DOCK6: variants seen among roughly 807,000 people sequenced by gnomAD.
The protein encoded by DOCK6 is dedicator of cytokinesis 6, also known as dedicator of cytokinesis protein 6.
In DOCK6, 167 loss-of-function variants were observed where a neutral mutation model predicts 230.3. The observed-to-expected ratio is 0.73, with a 90% CI of 0.64 to 0.82. The LOEUF (loss-of-function observed/expected upper bound fraction) is 0.82. Ranked by LOEUF, DOCK6 falls within the 40% of genes least tolerant of loss-of-function variation. The pLI, the probability that DOCK6 is intolerant of heterozygous loss-of-function variation, is 0.00. For synonymous variants in DOCK6, 1,148 were observed against 1,185.0 expected (o/e 0.97, Z 0.64); for missense variants, 2,598 against 2,825.8 (o/e 0.92, Z 1.83).
At chr19:11,215,657 T>C (rs2147761135) in intron 31 of DOCK6, 144 bp downstream of exon 31, 1 of 1,418,624 alleles carries the variant, frequency 7.0e-7, no homozygotes, top group Non-Finnish European at 9.8e-7. Flanking sequence ...CACAGGCGCA[T>C]GTGTACGGTG....
intron 37 of DOCK6, among the ~76,000 whole-genome samples, chr19:11,211,010 C>G (rs955507076): frequency 2.0e-5 from 3 of 151,828 alleles, no homozygotes; most frequent in African/African-American, 7.3e-5. Flanking sequence ...CCTGTCCAAC[C>G]CTTTTCCTGT....
At chr19:11,237,890 T>C in intron 16 of DOCK6, 111 bp from the exon 17 acceptor site, 1 of 1,423,176 alleles carries the variant, frequency 7.0e-7, no homozygotes, top group Non-Finnish European at 9.6e-7. Context: ...GTCTCTGCTG[T>C]CTGCCTCAGC....
intron 1 of DOCK6, among the ~76,000 whole-genome samples, chr19:11,261,411 G>C (rs1049441422): frequency 7.4e-6 from 1 of 135,856 alleles, no homozygotes; most frequent in African/African-American, 2.8e-5. Flanking sequence ...TAATCTACTC[G>C]ATCAGGCTTC....
chr19:11,204,891 A>C (rs1193117014), intron 39 of DOCK6, among the ~76,000 whole-genome samples: 1 of 152,188 alleles, frequency 6.6e-6, no homozygotes, highest in Non-Finnish European at 1.5e-5. Flanking sequence ...TACGATGTAC[A>C]TCTGCACTTC....
chr19:11,239,705 C>T, intron 14 of DOCK6: 1 of 1,613,606 alleles, frequency 6.2e-7, no homozygotes, highest in Non-Finnish European at 8.5e-7. Context: ...TCAGCGGCCC[C>T]CATGGGCGGC....
In DOCK6 at chr19:11,236,393, T is replaced by C; in HGVS notation, c.2345A>G (p.Lys782Arg). The change falls in exon 20 of 48, where the codon AAG becomes AGG. Residue 782 changes from lysine to arginine, a missense_variant. By Grantham distance (26) the Lys-to-Arg change is conservative (BLOSUM62 2). Coordinates refer to ENST00000294618, the MANE Select transcript of DOCK6 (RefSeq NM_020812.4). The surrounding 1 kb of genome is among the most constrained non-coding windows in gnomAD (Gnocchi z 5.2). ...LVAFSHHVLD[K>R]LVRLVIRPPI... ...GGGCCTGATGACCAGACGCACGAGC[T>C]TGTCCAGCACGTGGTGGGAGAAGGC... 1 of 1,585,016 alleles carries C rather than the reference T, an allele frequency of 6.3e-7. No homozygotes were observed. The highest frequency in any genetic ancestry group is 8.6e-7 in the Non-Finnish European group (1 of 1,165,792).
chr19:11,215,917 G>A lies in DOCK6; in HGVS notation c.3905C>T (p.Ala1302Val), dbSNP rs1297153924. The change falls in exon 31 of 48, where the codon GCC becomes GTC. Residue 1302 changes from alanine (A) to valine (V), a missense_variant. Ala to Val is a moderately conservative substitution (Grantham distance 64). Transcript: ENST00000294618. ...TGTGAGGCTGTTGATGCGTTCAAAG[G>A]CCTTTTTCCCCTGGGGGTGCAGAGA... ...LAAFEYKGKKAFERINSLTFK... is the reference protein window; with the variant it reads ...LAAFEYKGKKVFERINSLTFK... 1 of 1,613,746 alleles carries A rather than the reference G, an allele frequency of 6.2e-7. No individual in the cohort carries two copies. The highest frequency in any genetic ancestry group is 1.7e-5 in the Admixed American group (1 of 59,992).
At chr19:11,252,290 C>T in intron 4 of DOCK6, 42 bp from the exon 5 acceptor site, 2 of 1,568,090 alleles carry the variant, frequency 1.3e-6, no homozygotes, top group Non-Finnish European at 8.7e-7. Flanking sequence ...GGGCTGAGGG[C>T]CCCCAGGGGG....
At chr19:11,245,502 G>T in intron 9 of DOCK6, 61 bp downstream of exon 9, 4 of 1,465,156 alleles carry the variant, frequency 2.7e-6, no homozygotes, top group Non-Finnish European at 3.7e-6. Context: ...ATTCTGTGAA[G>T]GCAGGGACTA....
Position 11,223,246 on chromosome 19 carries a change from G to A in DOCK6, c.2956-140C>T, listed in dbSNP as rs370238555. 136 of 754,232 alleles carry A rather than the reference G, an allele frequency of 1.8e-4. No individual in the cohort carries two copies. In the East Asian group the frequency reaches 2.3e-3, roughly 13 times the overall value. The allele number at this position is 754,232 out of a possible 1,614,324, so 46.7% of individuals were successfully genotyped here. On this transcript the variant is annotated intron_variant, in intron 24 of 47. Transcript: ENST00000294618. ...TTGTCTGTGGGCTGTGGTGACTCTG[G>A]GACTTCCTGGTTGTCCTCCTCAGGC...
Position 11,214,558 on chromosome 19 carries a change from C to CG in DOCK6, c.4197dup (p.Val1400ArgfsTer123). ...GATGCTGGATCAAGCCCTACCTGCA[C>CG]GATGATCTCCAGTGTGTCCAGAACC... is the stretch of plus-strand genomic sequence containing the variant. On this transcript the variant is annotated frameshift_variant, in exon 33 of 48. Coordinates refer to ENST00000294618, the MANE Select transcript of DOCK6 (RefSeq NM_020812.4). LOFTEE classifies it high-confidence loss of function. 1 of 1,613,878 alleles carries CG rather than the reference C, an allele frequency of 6.2e-7. No individual in the cohort carries two copies. The highest frequency in any genetic ancestry group is 8.5e-7 in the Non-Finnish European group (1 of 1,179,870).
At chr19:11,224,238 T>C (rs1411637685) in intron 24 of DOCK6, among the ~76,000 whole-genome samples, 1 of 135,994 alleles carries the variant, frequency 7.4e-6, no homozygotes, top group Non-Finnish European at 1.6e-5. Context: ...TGAGACGGAG[T>C]CTTGCTCTGT....
chr19:11,241,379 G>A (rs1412043628), intron 14 of DOCK6: 8 of 1,020,244 alleles, frequency 7.8e-6, no homozygotes, highest in Non-Finnish European at 1.0e-5. Flanking sequence ...GAGGGGCTGG[G>A]GCAGAGGGTC....
At chr19:11,213,138 G>C (rs1270566802) in intron 35 of DOCK6, 38 bp downstream of exon 35, 2 of 1,594,428 alleles carry the variant, frequency 1.3e-6, no homozygotes, top group Non-Finnish European at 8.6e-7. Flanking sequence ...ACCCTGACCA[G>C]AGCCATGTGT....
intron 1 of DOCK6, among the ~76,000 whole-genome samples, chr19:11,254,937 G>A (rs1044294992): frequency 6.6e-6 from 1 of 152,190 alleles, no homozygotes; most frequent in Admixed American, 6.5e-5. Flanking sequence ...TGCTCCCTGG[G>A]GTCTCTGTGA....
In DOCK6 at chr19:11,219,128, C is replaced by T. The variant is rs566274431; in HGVS notation, c.3551-1737G>A. On this transcript the variant is annotated intron_variant, in intron 28 of 47. Coordinates refer to ENST00000294618, the MANE Select transcript of DOCK6 (RefSeq NM_020812.4). ...TCCTGACCTCATGATCTGCCCGCCT[C>T]GGCCTCCCAAAGTGCTGAGATTACA... Among the ~76,000 whole-genome samples, 64 of 144,740 alleles carry T rather than the reference C, an allele frequency of 4.4e-4. 3 individuals are homozygous for T. The South Asian group carries it at 0.01, about 23-fold the overall frequency. The allele number at this position is 144,740 out of a possible 152,430, so 95.0% of individuals were successfully genotyped here.
rs374764233 is a variant in DOCK6 at position 11,222,078 on chromosome 19, T to A, written c.3380+31A>T. ...GACATGGCTCCTGGACTGTCCCACCTGTCCTGGGGCTAGACAGGAGCTCTG... is the reference window on the plus strand; with the variant it reads ...GACATGGCTCCTGGACTGTCCCACCAGTCCTGGGGCTAGACAGGAGCTCTG... On this transcript the variant is annotated intron_variant, in intron 27 of 47. Coordinates refer to ENST00000294618, the MANE Select transcript of DOCK6 (RefSeq NM_020812.4). This position sits in a 1 kb window ranked among gnomAD's most constrained non-coding sequence, Gnocchi z 4.0. 3.7e-6 allele frequency: 6 copies of A among 1,608,462 alleles called. No individual in the cohort carries two copies. The African/African-American group carries it at 8.0e-5, about 21-fold the overall frequency.
rs777337296 is a variant in DOCK6, at chr19:11,245,760, G to GC, written c.874-49dup. 183 of 1,604,902 alleles carry GC rather than the reference G, an allele frequency of 1.1e-4. No individual in the cohort carries two copies. The African/African-American group carries it at 2.2e-3, about 20-fold the overall frequency. On this transcript the variant is annotated intron_variant, in intron 8 of 47. Transcript: ENST00000294618. ...GGCCACCACCTCTGGGAAGCCCACA[G>GC]CCCCCCAACAAGGAGAAGGAAGGGG... is the stretch of plus-strand genomic sequence containing the variant.
rs533250026 is a variant in DOCK6, at chr19:11,233,527, G to C, written c.2555-161C>G. On this transcript the variant is annotated intron_variant, in intron 21 of 47. Coordinates refer to ENST00000294618, the MANE Select transcript of DOCK6 (RefSeq NM_020812.4). ...AATGGCTGCCGCCTCACAGAGATTG[G>C]GGGGGCACTGAAAAACTGAGAATAG... Among the ~76,000 whole-genome samples, 33 of 152,168 alleles carry C rather than the reference G, an allele frequency of 2.2e-4. 1 individual carries two copies. In the South Asian group the frequency reaches 6.5e-3, roughly 30 times the overall value.
Sources: allele counts gnomAD v4.1 joint callset (sites outside exome capture counted in the v4.1 genomes callset), GRCh38; gene constraint gnomAD v4.1.1; non-coding constraint Gnocchi (gnomAD v3.1); transcripts MANE v1.5; gene names NCBI Gene and HGNC (gene_info 2026-07-23, HGNC 2026-07-21).